The following BBS9 variants were observed in gnomAD, a reference collection of about 807,000 sequenced individuals.
The protein encoded by BBS9 is Bardet-Biedl syndrome 9, also known as protein PTHB1.
A neutral mutation model predicts 117.7 loss-of-function variants in BBS9; 89 were observed. That is an observed-to-expected ratio of 0.76 (90% confidence interval 0.64 to 0.90). BBS9 has a LOEUF of 0.90. BBS9 is among the 40% of genes least tolerant of loss of function. BBS9 has a pLI of 0.00. For synonymous variants in BBS9, 379 were observed against 370.9 expected (o/e 1.02, Z -0.25); for missense variants, 982 against 1,042.2 (o/e 0.94, Z 0.80).
intron 19 of BBS9, among the ~76,000 whole-genome samples, chr7:33,465,252 T>A (rs753224488): frequency 6.7e-5 from 10 of 149,734 alleles, no homozygotes; most frequent in Admixed American, 1.3e-4. Flanking sequence ...AAAAAAAACA[T>A]GATTTATTCT....
Position 33,560,458 on chromosome 7 carries a change from C to T in BBS9, c.2521+26282C>T, listed in dbSNP as rs147577698. Among the ~76,000 whole-genome samples, 105 of 152,260 alleles carry T rather than the reference C, an allele frequency of 6.9e-4. 1 individual carries two copies. The highest frequency in any genetic ancestry group is 6.3e-4 in the African/African-American group (26 of 41,550). On this transcript the variant is annotated intron_variant, in intron 21 of 22. Coordinates refer to ENST00000242067, the MANE Select transcript of BBS9 (RefSeq NM_198428.3). ...TGCCGTTAACTTTGTGAAATCACCA[C>T]GAGATGCATTCATTAACTATTATAA...
chr7:33,424,474 G>T (rs1422058290), intron 19 of BBS9, among the ~76,000 whole-genome samples: 1 of 152,076 alleles, frequency 6.6e-6, no homozygotes, highest in Admixed American at 6.6e-5. Flanking sequence ...TTTTTAAAAG[G>T]TTCCCTGGTG....
At chr7:33,198,319 G>A (rs1292774821) in intron 5 of BBS9, among the ~76,000 whole-genome samples, 2 of 151,924 alleles carry the variant, frequency 1.3e-5, no homozygotes, top group African/African-American at 4.8e-5. Flanking sequence ...TTTTCAGCTG[G>A]TTGATTAAGT....
At chr7:33,472,343 T>C (rs183733573) in intron 19 of BBS9, among the ~76,000 whole-genome samples, 76 of 152,310 alleles carry the variant, frequency 5.0e-4, no homozygotes, top group African/African-American at 1.8e-3. Flanking sequence ...TTTTTTGATA[T>C]TATAGTGGAT....
chr7:33,466,793 C>T (rs1037426343), intron 19 of BBS9, among the ~76,000 whole-genome samples: 2 of 152,020 alleles, frequency 1.3e-5, no homozygotes, highest in South Asian at 2.1e-4. Flanking sequence ...AAGTCAGAGG[C>T]GGATACAGAG....
chr7:33,498,652 A>G lies in BBS9; in HGVS notation c.2116-6811A>G, dbSNP rs370548541. 1.1e-3 allele frequency among the ~76,000 whole-genome samples: 171 copies of G among 152,286 alleles called. 2 individuals carry two copies. The Middle Eastern group carries it at 0.041, about 36-fold the overall frequency. On this transcript the variant is annotated intron_variant, in intron 19 of 22. Transcript: ENST00000242067. ...ATAGGCTTCTTTTGTTTAGCATAAC[A>G]TCTTCAAGATTCACCCATTTTGTAG...
intron 5 of BBS9, among the ~76,000 whole-genome samples, chr7:33,179,673 T>C (rs1415603410): frequency 6.6e-6 from 1 of 152,144 alleles, no homozygotes; most frequent in Non-Finnish European, 1.5e-5. Context: ...TATATTACAA[T>C]GTAATAATAA....
At chr7:33,335,928 C>A (rs1356336688) in intron 9 of BBS9, among the ~76,000 whole-genome samples, 1 of 152,032 alleles carries the variant, frequency 6.6e-6, no homozygotes, top group African/African-American at 2.4e-5. Context: ...AGACCGGGGG[C>A]ACTTTTTTTT....
intron 9 of BBS9, among the ~76,000 whole-genome samples, chr7:33,301,654 C>T (rs979769699): frequency 6.6e-6 from 1 of 152,096 alleles, no homozygotes; most frequent in Admixed American, 6.5e-5. Flanking sequence ...ATAGGTACCA[C>T]ATTTTCTTTA....
intron 21 of BBS9, among the ~76,000 whole-genome samples, chr7:33,620,190 T>G (rs1865335673): frequency 6.6e-6 from 1 of 151,856 alleles, no homozygotes; most frequent in Non-Finnish European, 1.5e-5. Context: ...CTTAAGAGAC[T>G]AATATAAAAA....
chr7:33,381,756 G>A (rs1251463863), intron 17 of BBS9, among the ~76,000 whole-genome samples: 1 of 152,150 alleles, frequency 6.6e-6, no homozygotes, highest in Non-Finnish European at 1.5e-5. Context: ...GGGTGGTGAA[G>A]CTTCAAGGAG....
intron 19 of BBS9, among the ~76,000 whole-genome samples, chr7:33,393,733 G>A (rs931158837): frequency 5.9e-5 from 9 of 152,078 alleles, no homozygotes; most frequent in South Asian, 4.1e-4. Context: ...TTGGTTAATC[G>A]GCAATGAGGC....
At chr7:33,528,302 A>G (rs918368300) in intron 20 of BBS9, among the ~76,000 whole-genome samples, 2 of 151,716 alleles carry the variant, frequency 1.3e-5, no homozygotes, top group Admixed American at 1.3e-4. Context: ...CAAAATCTCC[A>G]TTTGTTCTTT....
intron 19 of BBS9, among the ~76,000 whole-genome samples, chr7:33,421,384 T>C (rs1167538460): frequency 6.6e-6 from 1 of 152,226 alleles, no homozygotes; most frequent in East Asian, 1.9e-4. Flanking sequence ...CTATTGCATG[T>C]GTAGCCATTT....
chr7:33,576,870 G>T (rs1858989233), intron 21 of BBS9, among the ~76,000 whole-genome samples: 1 of 152,096 alleles, frequency 6.6e-6, no homozygotes, highest in Non-Finnish European at 1.5e-5. Flanking sequence ...GCTGAAACTG[G>T]ATCCCTTCCT....
At chr7:33,483,859 A>C (rs1842786193) in intron 19 of BBS9, among the ~76,000 whole-genome samples, 1 of 152,036 alleles carries the variant, frequency 6.6e-6, no homozygotes, top group Non-Finnish European at 1.5e-5. Context: ...GCTGGTCTCA[A>C]ACTCCTTGCC....
chr7:33,561,702 AAAG>A (rs138077966), intron 21 of BBS9, among the ~76,000 whole-genome samples: 18,795 of 152,192 alleles, frequency 0.12, 1,414 homozygotes, highest in African/African-American at 0.2. Flanking sequence ...GAACAAGAGA[AAAG>A]AAGAACAGGA....
intron 21 of BBS9, among the ~76,000 whole-genome samples, chr7:33,577,451 G>A (rs1381087490): frequency 2.0e-5 from 3 of 152,222 alleles, no homozygotes; most frequent in Non-Finnish European, 4.4e-5. Flanking sequence ...TACACTGTTG[G>A]TGGGAGTGTA....
intron 5 of BBS9, among the ~76,000 whole-genome samples, chr7:33,232,885 GTGTTTT>G (rs1180636767): frequency 1.3e-5 from 2 of 152,120 alleles, no homozygotes; most frequent in African/African-American, 4.8e-5. Context: ...GAAACAACAT[GTGTTTT>G]GGTGTAGGCA....
Sources: allele counts gnomAD v4.1 joint callset (sites outside exome capture counted in the v4.1 genomes callset), GRCh38; gene constraint gnomAD v4.1.1; transcripts MANE v1.5; gene names NCBI Gene and HGNC (gene_info 2026-07-23, HGNC 2026-07-21).